ASTN2: variants seen among roughly 807,000 people sequenced by gnomAD.
ASTN2 encodes astrotactin-2.
A neutral mutation model predicts 139.8 loss-of-function variants in ASTN2; 54 were observed. The ratio of observed to expected loss-of-function variants is 0.39; its 90% confidence interval spans 0.31 to 0.48. The LOEUF is 0.48. Among genes scored for constraint, ASTN2 ranks in the 20% least tolerant of loss-of-function variants. ASTN2 has a pLI of 0.95. For missense variants in ASTN2, 1,565 were observed against 1,725.1 expected (o/e 0.91, Z 1.64); for synonymous variants, 756 against 719.5 (o/e 1.05, Z -0.81).
chr9:117,041,053 CG>C (rs894899414), intron 5 of ASTN2, among the ~76,000 whole-genome samples: 2 of 151,972 alleles, frequency 1.3e-5, no homozygotes, highest in Admixed American at 1.3e-4. Context: ...GCAGAGAGTA[CG>C]GGGGGTGGTT....
intron 2 of ASTN2, among the ~76,000 whole-genome samples, chr9:117,249,152 G>A (rs919892917): frequency 2.6e-5 from 4 of 152,182 alleles, no homozygotes; most frequent in Non-Finnish European, 5.9e-5. Context: ...ACCCATAACT[G>A]CTGAAGTCGT....
At chr9:116,475,923 T>C (rs1377865732) in intron 20 of ASTN2, among the ~76,000 whole-genome samples, 2 of 152,176 alleles carry the variant, frequency 1.3e-5, no homozygotes, top group Non-Finnish European at 2.9e-5. Context: ...TTGTCTCTCG[T>C]CCCCCAGCCT....
rs75483207 is a variant in ASTN2 at position 116,661,129 on chromosome 9, G to C, written c.2807-9336C>G. On this transcript the variant is annotated intron_variant, in intron 16 of 22. Transcript: ENST00000313400. ...GTAGCCTAGTACTGGCCAGTGTCTT[G>C]GCCAGAATCAGGAATCAGTCGGCAT... Among the ~76,000 whole-genome samples the C allele has an allele frequency of 7.5e-3, 1,136 of 152,190 alleles. 7 individuals are homozygous for C. The highest frequency in any genetic ancestry group is 0.012 in the Non-Finnish European group (805 of 67,994).
At chr9:117,147,854 A>G (rs1428386356) in intron 3 of ASTN2, among the ~76,000 whole-genome samples, 3 of 152,034 alleles carry the variant, frequency 2.0e-5, no homozygotes, top group Non-Finnish European at 2.9e-5. Context: ...CTGTTGCTGC[A>G]CTCTATAAGT....
intron 1 of ASTN2, among the ~76,000 whole-genome samples, chr9:117,354,217 C>G (rs1829472541): frequency 6.6e-6 from 1 of 152,000 alleles, no homozygotes; most frequent in South Asian, 2.1e-4. Flanking sequence ...TAAAACTACC[C>G]CCAAAAATGA....
chr9:117,084,037 A>G (rs1828498531), intron 5 of ASTN2, among the ~76,000 whole-genome samples: 1 of 46,436 alleles, frequency 2.2e-5, no homozygotes, highest in African/African-American at 1.4e-4. Context: ...GATCTTTAAG[A>G]AAAAAAAAAA....
intron 1 of ASTN2, among the ~76,000 whole-genome samples, chr9:117,314,231 C>T (rs1191725110): frequency 2.0e-5 from 3 of 152,062 alleles, no homozygotes; most frequent in East Asian, 1.9e-4. Flanking sequence ...CCTCCCCACC[C>T]CCACCATGAA....
chr9:116,722,404 G>A (rs1478866518), intron 16 of ASTN2, among the ~76,000 whole-genome samples: 2 of 152,156 alleles, frequency 1.3e-5, no homozygotes, highest in Non-Finnish European at 2.9e-5. Context: ...TTTTAATCAG[G>A]CACATTCACC....
At chr9:117,281,814 C>A (rs570423628) in intron 2 of ASTN2, among the ~76,000 whole-genome samples, 1 of 152,168 alleles carries the variant, frequency 6.6e-6, no homozygotes, top group Non-Finnish European at 1.5e-5. Context: ...CTGCCATGGC[C>A]TCTTCTCAGA....
intron 1 of ASTN2, among the ~76,000 whole-genome samples, chr9:117,400,476 A>G (rs1830797003): frequency 6.6e-6 from 1 of 152,146 alleles, no homozygotes; most frequent in Non-Finnish European, 1.5e-5. Context: ...AGAGAGAGAG[A>G]AAAGAGGGGA....
chr9:117,159,907 GGC>G (rs953936188), intron 3 of ASTN2, among the ~76,000 whole-genome samples: 2 of 152,040 alleles, frequency 1.3e-5, no homozygotes, highest in African/African-American at 4.8e-5. Context: ...AGATTAGTCT[GGC>G]TAGGCTCAGT....
At chr9:116,478,615 T>C (rs1190324317) in intron 20 of ASTN2, among the ~76,000 whole-genome samples, 4 of 152,152 alleles carry the variant, frequency 2.6e-5, no homozygotes, top group Non-Finnish European at 5.9e-5. Context: ...TTAAGCTGAA[T>C]GAAATTCTTT....
intron 16 of ASTN2, among the ~76,000 whole-genome samples, chr9:116,695,588 G>A (rs1588211666): frequency 6.6e-6 from 1 of 152,274 alleles, no homozygotes; most frequent in Admixed American, 6.5e-5. Context: ...AAAATCAAAC[G>A]AACTTGCCCT....
At chr9:117,098,450 C>G (rs947215831) in intron 4 of ASTN2, among the ~76,000 whole-genome samples, 1 of 152,170 alleles carries the variant, frequency 6.6e-6, no homozygotes, top group Non-Finnish European at 1.5e-5. Flanking sequence ...CCTCCCCACA[C>G]CCATCCTTCC....
intron 17 of ASTN2, among the ~76,000 whole-genome samples, chr9:116,636,801 G>A (rs1857097743): frequency 6.6e-6 from 1 of 152,124 alleles, no homozygotes; most frequent in East Asian, 1.9e-4. Context: ...ATCTCTCCCC[G>A]AAAATTCATG....
chr9:117,053,736 T>C (rs1185317307), intron 5 of ASTN2, among the ~76,000 whole-genome samples: 1 of 152,176 alleles, frequency 6.6e-6, no homozygotes, highest in East Asian at 1.9e-4. Flanking sequence ...CAAACCCTCA[T>C]TCTGGTAAAG....
At chr9:117,265,788 G>GA (rs1833927046) in intron 2 of ASTN2, among the ~76,000 whole-genome samples, 2 of 133,818 alleles carry the variant, frequency 1.5e-5, no homozygotes, top group African/African-American at 5.6e-5. Flanking sequence ...CTCAGAATCA[G>GA]AAAAAATTGA....
chr9:117,179,747 G>T (rs1308935897), intron 3 of ASTN2, among the ~76,000 whole-genome samples: 1 of 152,132 alleles, frequency 6.6e-6, no homozygotes, highest in Non-Finnish European at 1.5e-5. Context: ...GGGCCTTTCT[G>T]CCTGATTCTG....
Position 117,086,951 on chromosome 9 carries a change from T to C in ASTN2, c.1276+9093A>G, listed in dbSNP as rs187314824. ...CTCTCCCATGTTACTCTGGCTACAA[T>C]GACTTAGAGGCTGATAGAATACTGC... On this transcript the variant is annotated intron_variant, in intron 5 of 22. Coordinates refer to ENST00000313400, the MANE Select transcript of ASTN2 (RefSeq NM_001365068.1). Among the ~76,000 whole-genome samples, 25 of 152,264 alleles carry C rather than the reference T, an allele frequency of 1.6e-4. No individual in the cohort carries two copies. The East Asian group carries it at 3.5e-3, about 21-fold the overall frequency.
Sources: allele counts gnomAD v4.1 joint callset (sites outside exome capture counted in the v4.1 genomes callset), GRCh38; gene constraint gnomAD v4.1.1; transcripts MANE v1.5; gene names NCBI Gene and HGNC (gene_info 2026-07-23, HGNC 2026-07-21).